Variants in DCC observed in about 807,000 individuals in gnomAD.
DCC encodes DCC netrin 1 receptor, also known as netrin receptor DCC.
DCC carries 58 observed loss-of-function variants against 172.5 expected under a neutral mutation model. That is an observed-to-expected ratio of 0.34 (90% CI 0.27 to 0.42). The LOEUF (loss-of-function observed/expected upper bound fraction) is 0.42. DCC is among the 10% of genes least tolerant of loss of function. DCC has a pLI of 1.00. For synonymous variants in DCC, 709 were observed against 644.5 expected (o/e 1.10, Z -1.52); for missense variants, 1,740 against 1,791.0 (o/e 0.97, Z 0.51).
At position 53,531,594 on chromosome 18, in the gene DCC, A is replaced by C. The variant is rs541002973; in HGVS notation, c.*941A>C. 1 of 152,506 alleles carries C rather than the reference A, an allele frequency of 6.6e-6. No homozygotes were observed. Among genetic ancestry groups the C allele is most frequent in the South Asian group, 2.1e-4 (1 of 4,814 alleles). 9.4% of individuals were successfully genotyped at this position (152,506 alleles called of 1,614,324 possible). A position where few individuals can be genotyped will look rare whatever the true frequency, so the allele number is the denominator to read the frequency against. On this transcript the variant is annotated 3_prime_UTR_variant, in exon 29 of 29. Coordinates refer to ENST00000442544, the MANE Select transcript of DCC (RefSeq NM_005215.4). ...ATCCCTCCCTGAGTTCTCCTTGGCA[A>C]CTAGCGTTGGGTGAAATGGCCAGCT...
At chr18:52,797,115 T>C (rs1218132574) in intron 2 of DCC, among the ~76,000 whole-genome samples, 6 of 152,244 alleles carry the variant, frequency 3.9e-5, no homozygotes, top group African/African-American at 1.2e-4. Context: ...GGACTTTTGG[T>C]GCTCTTAACA....
chr18:53,002,574 C>T (rs2143847643), intron 5 of DCC, among the ~76,000 whole-genome samples: 1 of 152,182 alleles, frequency 6.6e-6, no homozygotes, highest in African/African-American at 2.4e-5. Flanking sequence ...CAACTCATTT[C>T]TGATTAAACA....
chr18:52,508,067 T>C (rs1424208887), intron 1 of DCC, among the ~76,000 whole-genome samples: 1 of 151,700 alleles, frequency 6.6e-6, no homozygotes, highest in African/African-American at 2.4e-5. Flanking sequence ...GCCACTGCAC[T>C]CCAGCCTGGG....
chr18:53,203,619 G>A (rs919395178), intron 9 of DCC, among the ~76,000 whole-genome samples: 4 of 152,230 alleles, frequency 2.6e-5, no homozygotes, highest in Non-Finnish European at 4.4e-5. Context: ...GCAGAGTTAC[G>A]CTGTTAGGTT....
intron 9 of DCC, among the ~76,000 whole-genome samples, chr18:53,202,813 C>T (rs552109323): frequency 4.8e-4 from 73 of 152,214 alleles, no homozygotes; most frequent in African/African-American, 1.7e-3. Context: ...AATGCATAAC[C>T]TAAGTCTAAC....
intron 2 of DCC, among the ~76,000 whole-genome samples, chr18:52,768,913 A>G (rs955766670): frequency 9.2e-5 from 14 of 152,226 alleles, no homozygotes; most frequent in African/African-American, 3.1e-4. Context: ...AGAGAAAAAT[A>G]TCTGTGGCCA....
intron 25 of DCC, among the ~76,000 whole-genome samples, chr18:53,471,122 A>T (rs1434219560): frequency 6.6e-6 from 1 of 152,188 alleles, no homozygotes; most frequent in African/African-American, 2.4e-5. Context: ...ATAAGCTTGT[A>T]ACTAGTCTCT....
At chr18:53,317,178 C>A (rs150961609) in intron 13 of DCC, among the ~76,000 whole-genome samples, 178 of 152,222 alleles carry the variant, frequency 1.2e-3, no homozygotes, top group African/African-American at 4.2e-3. Context: ...TATCAAAGGC[C>A]TTTTCTGCAT....
At chr18:52,852,992 G>T (rs2039000178) in intron 2 of DCC, among the ~76,000 whole-genome samples, 1 of 152,084 alleles carries the variant, frequency 6.6e-6, no homozygotes, top group Admixed American at 6.6e-5. Context: ...TCTACCTCTT[G>T]ACATAATCCA....
intron 1 of DCC, among the ~76,000 whole-genome samples, chr18:52,574,177 A>G (rs765095789): frequency 1.3e-5 from 2 of 152,196 alleles, no homozygotes; most frequent in Admixed American, 6.5e-5. Context: ...AAAATGTAAA[A>G]GTATATTGAT....
At chr18:52,993,059 C>T (rs2041420757) in intron 5 of DCC, among the ~76,000 whole-genome samples, 1 of 151,080 alleles carries the variant, frequency 6.6e-6, no homozygotes, top group East Asian at 1.9e-4. Flanking sequence ...AGTTAGAGGA[C>T]TGAGTCCAGT....
intron 1 of DCC, among the ~76,000 whole-genome samples, chr18:52,506,020 G>T (rs1305128527): frequency 6.6e-6 from 1 of 152,118 alleles, no homozygotes; most frequent in Non-Finnish European, 1.5e-5. Flanking sequence ...TGGCTGACAG[G>T]GTTAAGAAAA....
chr18:53,421,022 G>C (rs537292634), intron 21 of DCC, among the ~76,000 whole-genome samples: 1 of 152,220 alleles, frequency 6.6e-6, no homozygotes, highest in Admixed American at 6.5e-5. Flanking sequence ...TCTAAAATCA[G>C]CTCCAACATT....
chr18:52,586,204 T>G (rs907832913), intron 1 of DCC, among the ~76,000 whole-genome samples: 1 of 152,042 alleles, frequency 6.6e-6, no homozygotes, highest in Non-Finnish European at 1.5e-5. Flanking sequence ...AATAATAATG[T>G]TTAACAAATT....
intron 1 of DCC, among the ~76,000 whole-genome samples, chr18:52,654,331 C>A (rs2035202750): frequency 6.6e-6 from 1 of 152,172 alleles, no homozygotes; most frequent in Non-Finnish European, 1.5e-5. Flanking sequence ...AAGACCATTA[C>A]CATTGAACAA....
At chr18:53,274,145 T>C (rs1345915556) in intron 12 of DCC, among the ~76,000 whole-genome samples, 1 of 152,176 alleles carries the variant, frequency 6.6e-6, no homozygotes, top group East Asian at 1.9e-4. Context: ...TATTTACTTT[T>C]TCAATAAATT....
At chr18:53,183,550 C>T (rs747225922) in intron 9 of DCC, among the ~76,000 whole-genome samples, 7 of 152,094 alleles carry the variant, frequency 4.6e-5, no homozygotes, top group Non-Finnish European at 8.8e-5. Flanking sequence ...GGACCACATA[C>T]TGGCTTGAGG....
intron 2 of DCC, among the ~76,000 whole-genome samples, chr18:52,864,312 T>A (rs756928073): frequency 4.6e-5 from 7 of 152,118 alleles, no homozygotes; most frequent in Admixed American, 6.6e-5. Flanking sequence ...TCTGGGTGTG[T>A]TAGAGGAAGA....
At chr18:52,850,890 A>G (rs1029115148) in intron 2 of DCC, among the ~76,000 whole-genome samples, 3 of 152,080 alleles carry the variant, frequency 2.0e-5, no homozygotes, top group Non-Finnish European at 2.9e-5. Context: ...CGTCAGGTAA[A>G]TTAATTACCA....
Sources: allele counts gnomAD v4.1 joint callset (sites outside exome capture counted in the v4.1 genomes callset), GRCh38; gene constraint gnomAD v4.1.1; transcripts MANE v1.5; gene names NCBI Gene and HGNC (gene_info 2026-07-23, HGNC 2026-07-21).